LRRC49: variants seen among roughly 807,000 people sequenced by gnomAD.
LRRC49 encodes the protein leucine-rich repeat-containing protein 49.
LRRC49 carries 50 observed loss-of-function variants against 83.3 expected under a neutral mutation model. The ratio of observed to expected loss-of-function variants is 0.60; its 90% CI spans 0.48 to 0.76. The LOEUF (loss-of-function observed/expected upper bound fraction) is 0.76, where lower values mean the gene tolerates loss of function less well. LRRC49 is among the 30% of genes least tolerant of loss of function. The pLI is 0.00. For synonymous variants in LRRC49, 286 were observed against 283.3 expected, an observed-to-expected ratio of 1.01 and a Z score of -0.10; for missense variants, 704 against 809.1, an observed-to-expected ratio of 0.87 and a Z score of 1.58.
chr15:70,858,027 A>G (rs1736098143), intron 1 of LRRC49, among the ~76,000 whole-genome samples: 2 of 152,248 alleles, frequency 1.3e-5, no homozygotes, highest in South Asian at 2.1e-4. Flanking sequence ...AGTGTATGCT[A>G]GTAGATTATG....
intron 3 of LRRC49, among the ~76,000 whole-genome samples, chr15:70,897,390 A>C (rs953563789): frequency 6.6e-6 from 1 of 152,202 alleles, no homozygotes; most frequent in African/African-American, 2.4e-5. Context: ...AATTTATTCA[A>C]AATTGGTTTC....
At chr15:70,995,963 G>A (rs985173071) in intron 11 of LRRC49, among the ~76,000 whole-genome samples, 1 of 152,204 alleles carries the variant, frequency 6.6e-6, no homozygotes, top group African/African-American at 2.4e-5. Flanking sequence ...GAAGTGATGT[G>A]GGGGGTTCAA....
chr15:70,885,673 C>T (rs1322123841), intron 2 of LRRC49, among the ~76,000 whole-genome samples: 2 of 152,116 alleles, frequency 1.3e-5, no homozygotes, highest in Non-Finnish European at 2.9e-5. Context: ...TATATACATA[C>T]CTAATAACAT....
chr15:70,901,197 G>A (rs1381723890), intron 4 of LRRC49, among the ~76,000 whole-genome samples, 173 bp downstream of exon 4: 3 of 152,172 alleles, frequency 2.0e-5, no homozygotes, highest in Non-Finnish European at 4.4e-5. Flanking sequence ...GAGGTATGGT[G>A]AGGAATTTTA....
chr15:71,004,191 C>T lies in LRRC49; in HGVS notation c.1170-4188C>T, dbSNP rs1290022091. ...GCTCATCTCCAGCTCCTACTCCCCTCCATGTTTCAATGTTCCTGCCCTGTA... is the reference window on the plus strand; with the variant it reads ...GCTCATCTCCAGCTCCTACTCCCCTTCATGTTTCAATGTTCCTGCCCTGTA... On this transcript the variant is annotated intron_variant, in intron 11 of 15. Transcript: ENST00000260382. Among the ~76,000 whole-genome samples, 2 of 152,166 alleles carry T rather than the reference C, an allele frequency of 1.3e-5. 1 individual carries two copies. Among genetic ancestry groups the T allele is most frequent in the Non-Finnish European group, 2.9e-5 (2 of 68,028 alleles).
chr15:70,995,279 A>G (rs567096166), intron 11 of LRRC49, among the ~76,000 whole-genome samples: 15 of 152,234 alleles, frequency 9.9e-5, no homozygotes, highest in African/African-American at 3.6e-4. Flanking sequence ...TAAAGTTGCA[A>G]ATGAGGAGCA....
intron 1 of LRRC49, among the ~76,000 whole-genome samples, chr15:70,864,653 C>A (rs1307047798): frequency 2.6e-5 from 4 of 152,186 alleles, no homozygotes; most frequent in Non-Finnish European, 5.9e-5. Context: ...TGGCAAACTT[C>A]TAATCTTTCA....
In LRRC49 at chr15:71,050,374, T is replaced by C. The variant is rs2039977918; in HGVS notation, c.*762T>C. Reference sequence around the variant, plus strand: ...AGATGTTTCCTTCCATTGTTAGCTCTCAAATGCTCTTTTAATAGACATGCA... The same window carrying C: ...AGATGTTTCCTTCCATTGTTAGCTCCCAAATGCTCTTTTAATAGACATGCA... On this transcript the variant is annotated 3_prime_UTR_variant, in exon 16 of 16. Coordinates refer to ENST00000260382, the MANE Select transcript of LRRC49 (RefSeq NM_017691.5). 6.6e-6 allele frequency: 1 copy of C among 152,238 alleles called. No individual in the cohort carries two copies. The highest frequency in any genetic ancestry group is 6.5e-5 in the Admixed American group (1 of 15,278). 9.4% of individuals were successfully genotyped at this position (152,238 alleles called of 1,614,324 possible).
At chr15:70,889,047 A>G (rs1428729168), upstream of LRRC49, among the ~76,000 whole-genome samples, 1 of 152,216 alleles carries the variant, frequency 6.6e-6, no homozygotes, top group East Asian at 1.9e-4. Context: ...GGTATTATCT[A>G]CTGAAGTTTA....
intron 14 of LRRC49, among the ~76,000 whole-genome samples, chr15:71,019,507 C>T (rs1489752826): frequency 6.6e-6 from 1 of 152,136 alleles, no homozygotes; most frequent in Non-Finnish European, 1.5e-5. Flanking sequence ...TAGTCTAGAA[C>T]AGTAGAAATG....
At chr15:71,032,537 A>G (rs1277275684) in intron 14 of LRRC49, among the ~76,000 whole-genome samples, 1 of 152,146 alleles carries the variant, frequency 6.6e-6, no homozygotes, top group Non-Finnish European at 1.5e-5. Context: ...CCTGATACCA[A>G]AACCTGGCAG....
chr15:70,862,129 C>T (rs2032802892), intron 1 of LRRC49, among the ~76,000 whole-genome samples: 1 of 152,178 alleles, frequency 6.6e-6, no homozygotes. Flanking sequence ...CTGCCTACTC[C>T]GGCCTGAAGG....
At chr15:71,030,576 G>T (rs2039319028) in intron 14 of LRRC49, among the ~76,000 whole-genome samples, 1 of 152,090 alleles carries the variant, frequency 6.6e-6, no homozygotes. Flanking sequence ...TTGCTAGGTT[G>T]GGGAAGTTCT....
intron 14 of LRRC49, among the ~76,000 whole-genome samples, chr15:71,023,561 G>T (rs545146382): frequency 4.7e-4 from 71 of 152,294 alleles, no homozygotes; most frequent in African/African-American, 1.7e-3. Context: ...CATGGAGAGA[G>T]AGGAAAAACA....
chr15:70,951,533 G>A (rs1007530538), intron 8 of LRRC49, among the ~76,000 whole-genome samples: 1 of 151,918 alleles, frequency 6.6e-6, no homozygotes, highest in Non-Finnish European at 1.5e-5. Context: ...ACTATAAATG[G>A]GATTGTGTTC....
At chr15:70,872,211 C>T (rs562286026) in intron 1 of LRRC49, among the ~76,000 whole-genome samples, 191 of 152,356 alleles carry the variant, frequency 1.3e-3, no homozygotes, top group Admixed American at 2.8e-3. Flanking sequence ...CCGGCCAACA[C>T]GGCGAAACCC....
chr15:71,012,951 G>T (rs754018357), intron 14 of LRRC49, 38 bp downstream of exon 14: 2 of 1,274,494 alleles, frequency 1.6e-6, no homozygotes, highest in Non-Finnish European at 2.3e-6. Flanking sequence ...TAGAATTACT[G>T]TTACACTAGA....
At chr15:70,912,716 G>T (rs543951897) in intron 6 of LRRC49, among the ~76,000 whole-genome samples, 1 of 151,184 alleles carries the variant, frequency 6.6e-6, no homozygotes, top group African/African-American at 2.4e-5. Flanking sequence ...TTGCTCTGTC[G>T]CCCAGGCTGG....
chr15:71,014,360 G>T lies in LRRC49; in HGVS notation c.1703+1447G>T, dbSNP rs143475076. The stretch of plus-strand genomic sequence containing the variant: ...AATAAAAATTGATGGAAAAATACAC[G>T]TTTGTGTGTATTAAAATATTAAGGG... On this transcript the variant is annotated intron_variant, in intron 14 of 15. Transcript: ENST00000260382. Among the ~76,000 whole-genome samples the T allele has an allele frequency of 1.8e-4, 27 of 152,104 alleles. 1 individual carries two copies. The highest frequency in any genetic ancestry group is 9.2e-4 in the Admixed American group (14 of 15,266).
Sources: allele counts gnomAD v4.1 joint callset (sites outside exome capture counted in the v4.1 genomes callset), GRCh38; gene constraint gnomAD v4.1.1; transcripts MANE v1.5; gene names NCBI Gene and HGNC (gene_info 2026-07-23, HGNC 2026-07-21).